RAB3C: variants seen among roughly 807,000 people sequenced by gnomAD.
The protein encoded by RAB3C is ras-related protein Rab-3C.
Under a neutral mutation model 26.4 loss-of-function variants are expected in RAB3C, and 17 were observed. That is an observed-to-expected ratio of 0.64 (90% CI 0.44 to 0.97). RAB3C has a LOEUF of 0.97. Ranked by LOEUF, RAB3C falls within the 50% of genes least tolerant of loss-of-function variation. The pLI is 0.00. For synonymous variants in RAB3C, 91 were observed against 95.9 expected, an observed-to-expected ratio of 0.95 and a Z score of 0.30; for missense variants, 242 against 281.9, an observed-to-expected ratio of 0.86 and a Z score of 1.01.
intron 3 of RAB3C, among the ~76,000 whole-genome samples, chr5:58,791,581 C>T (rs1247766537): frequency 6.6e-6 from 1 of 152,182 alleles, no homozygotes; most frequent in African/African-American, 2.4e-5. Context: ...TTTGTTGAAA[C>T]ATAATTCATG....
intron 3 of RAB3C, among the ~76,000 whole-genome samples, chr5:58,815,502 C>G (rs1443650078): frequency 6.6e-6 from 1 of 152,166 alleles, no homozygotes; most frequent in African/African-American, 2.4e-5. Context: ...CCTTTGCAGA[C>G]TGTGATGGGG....
chr5:58,599,497 A>G lies in RAB3C; in HGVS notation c.24+16265A>G, dbSNP rs76794379. On this transcript the variant is annotated intron_variant, in intron 1 of 4. Transcript: ENST00000282878. ...CCTGTTCCAGCAGACCTTGCTTACA[A>G]TCCTCTCTCTGTGTTCTGGGGTTCT... Among the ~76,000 whole-genome samples, 9 of 152,044 alleles carry G rather than the reference A, an allele frequency of 5.9e-5. No homozygotes were observed. The East Asian group carries it at 1.7e-3, about 29-fold the overall frequency.
intron 2 of RAB3C, among the ~76,000 whole-genome samples, chr5:58,720,244 A>T (rs1363007384): frequency 1.3e-5 from 2 of 151,894 alleles, no homozygotes; most frequent in African/African-American, 4.8e-5. Context: ...ATATATAGAG[A>T]ATATGGTATT....
In RAB3C at chr5:58,713,420, T is replaced by C. The variant is rs1173565863; in HGVS notation, c.253-12582T>C. 3.3e-5 allele frequency among the ~76,000 whole-genome samples: 5 copies of C among 152,348 alleles called. No individual in the cohort carries two copies. In the East Asian group the frequency reaches 9.6e-4, roughly 29 times the overall value. ...CACGACGTTAATCAAACAGGCCACT[T>C]CTGTGAGGCAGATACCAGCCTGTGA... On this transcript the variant is annotated intron_variant, in intron 2 of 4. Transcript: ENST00000282878.
At chr5:58,673,848 A>G (rs1318451098) in intron 2 of RAB3C, among the ~76,000 whole-genome samples, 1 of 152,226 alleles carries the variant, frequency 6.6e-6, no homozygotes, top group East Asian at 1.9e-4. Flanking sequence ...TCCAGGATTG[A>G]TGCAGAGGAT....
intron 3 of RAB3C, among the ~76,000 whole-genome samples, chr5:58,757,509 G>A (rs931599208): frequency 4.6e-5 from 7 of 152,116 alleles, no homozygotes; most frequent in Non-Finnish European, 7.3e-5. Flanking sequence ...ATAGCCTTTC[G>A]TGATCACTTT....
chr5:58,703,116 C>G (rs1340187801), intron 2 of RAB3C, among the ~76,000 whole-genome samples: 2 of 152,038 alleles, frequency 1.3e-5, no homozygotes, highest in Non-Finnish European at 2.9e-5. Flanking sequence ...TACGTGGCAA[C>G]CAAAATTATA....
At chr5:58,792,137 G>T (rs1308227504) in intron 3 of RAB3C, among the ~76,000 whole-genome samples, 1 of 152,168 alleles carries the variant, frequency 6.6e-6, no homozygotes, top group Non-Finnish European at 1.5e-5. Flanking sequence ...TTGTTTCTTT[G>T]CATGGCAAGC....
At chr5:58,831,437 C>T (rs762162038) in intron 4 of RAB3C, among the ~76,000 whole-genome samples, 93 of 152,176 alleles carry the variant, frequency 6.1e-4, no homozygotes, top group Admixed American at 1.6e-3. Flanking sequence ...AACTAATAAA[C>T]TGAAAAACTC....
intron 4 of RAB3C, among the ~76,000 whole-genome samples, chr5:58,850,329 C>T (rs1744087853): frequency 1.3e-5 from 2 of 152,190 alleles, no homozygotes; most frequent in South Asian, 4.1e-4. Flanking sequence ...TTGGTAAAAA[C>T]ATTCCTGCTG....
chr5:58,694,564 T>A (rs1460429642), intron 2 of RAB3C, among the ~76,000 whole-genome samples: 2 of 152,214 alleles, frequency 1.3e-5, no homozygotes, highest in Non-Finnish European at 2.9e-5. Flanking sequence ...TGCAAAAGTG[T>A]TCCTATTTCT....
intron 3 of RAB3C, among the ~76,000 whole-genome samples, chr5:58,761,813 AT>A (rs1185892119): frequency 6.6e-6 from 1 of 152,248 alleles, no homozygotes; most frequent in Non-Finnish European, 1.5e-5. Flanking sequence ...GTGACTATTC[AT>A]AAAAGAAAGC....
chr5:58,628,840 C>T (rs1360752606), intron 2 of RAB3C, among the ~76,000 whole-genome samples: 1 of 152,038 alleles, frequency 6.6e-6, no homozygotes, highest in African/African-American at 2.4e-5. Flanking sequence ...ACAACAACAG[C>T]CGACCCACAC....
chr5:58,759,214 G>A (rs1400430063), intron 3 of RAB3C, among the ~76,000 whole-genome samples: 2 of 152,142 alleles, frequency 1.3e-5, no homozygotes, highest in Non-Finnish European at 2.9e-5. Context: ...GTTAGTACAG[G>A]GTCCTGAGGG....
chr5:58,858,727 C>T lies in RAB3C; in HGVS notation c.*7376C>T, dbSNP rs555407195. 1 of 152,300 alleles carries T rather than the reference C, an allele frequency of 6.6e-6. No homozygotes were observed. The highest frequency in any genetic ancestry group is 2.1e-4 in the South Asian group (1 of 4,824). The allele number at this position is 152,300 out of a possible 1,614,324, so 9.4% of individuals were successfully genotyped here. The stretch of plus-strand genomic sequence containing the variant: ...ATAGATCATTGTTTTCTTAAGACAG[C>T]CAAACTGGCCCTTTGAAACCATTCA... On this transcript the variant is annotated 3_prime_UTR_variant, in exon 5 of 5. Transcript: ENST00000282878.
At chr5:58,722,409 T>C (rs767764486) in intron 2 of RAB3C, among the ~76,000 whole-genome samples, 1 of 147,304 alleles carries the variant, frequency 6.8e-6, no homozygotes, top group Non-Finnish European at 1.5e-5. Context: ...GTGTAATCAA[T>C]GCCAAAAAAA....
chr5:58,620,148 C>T lies in RAB3C; in HGVS notation c.252+2278C>T, dbSNP rs1023300892. On this transcript the variant is annotated intron_variant, in intron 2 of 4. Transcript: ENST00000282878. ...ACCTCATTCTAGGGCCTCCATTCTCCTGCTCTGTGGATGCCCACACTCCCA... is the reference window on the plus strand; with the variant it reads ...ACCTCATTCTAGGGCCTCCATTCTCTTGCTCTGTGGATGCCCACACTCCCA... 2.6e-5 allele frequency among the ~76,000 whole-genome samples: 4 copies of T among 152,120 alleles called. No individual in the cohort carries two copies. The South Asian group carries it at 6.2e-4, about 24-fold the overall frequency.
chr5:58,694,543 C>T (rs958734495), intron 2 of RAB3C, among the ~76,000 whole-genome samples: 1 of 152,182 alleles, frequency 6.6e-6, no homozygotes, highest in Non-Finnish European at 1.5e-5. Flanking sequence ...AATTTACACT[C>T]CCAGCAACAG....
chr5:58,833,322 C>T (rs981730180), intron 4 of RAB3C, among the ~76,000 whole-genome samples: 2 of 102,198 alleles, frequency 2.0e-5, no homozygotes, highest in Admixed American at 9.0e-5. Context: ...GCACGGACCC[C>T]ATCACACACA....
Sources: allele counts gnomAD v4.1 joint callset (sites outside exome capture counted in the v4.1 genomes callset), GRCh38; gene constraint gnomAD v4.1.1; transcripts MANE v1.5; gene names NCBI Gene and HGNC (gene_info 2026-07-23, HGNC 2026-07-21).